Variants in COQ5 observed in about 807,000 individuals in gnomAD.
The protein encoded by COQ5 is coenzyme Q5, methyltransferase.
COQ5 carries 27 observed loss-of-function variants against 40.5 expected under a neutral mutation model. The ratio of observed to expected loss-of-function variants is 0.67; its 90% confidence interval spans 0.49 to 0.92. The LOEUF (loss-of-function observed/expected upper bound fraction) is 0.92. COQ5 is among the 40% of genes least tolerant of loss of function. COQ5 has a pLI of 0.00. For missense variants in COQ5, 409 were observed against 406.4 expected, an observed-to-expected ratio of 1.01 and a Z score of -0.06; for synonymous variants, 141 against 150.0, an observed-to-expected ratio of 0.94 and a Z score of 0.44.
At chr12:120,513,812 G>T (rs1323004391) in intron 3 of COQ5, among the ~76,000 whole-genome samples, 1 of 151,916 alleles carries the variant, frequency 6.6e-6, no homozygotes, top group Non-Finnish European at 1.5e-5. Context: ...AAGCTACTGC[G>T]CCCGACCACA....
At chr12:120,522,759 G>A (rs371651015) in intron 1 of COQ5, 44 of 656,960 alleles carry the variant, frequency 6.7e-5, no homozygotes, top group African/African-American at 5.4e-4. Context: ...GCCTTTGACC[G>A]ACATAGCTTG....
At chr12:120,518,527 TATTCTCCAGTC>T (rs1000399981) in intron 2 of COQ5, among the ~76,000 whole-genome samples, 19 of 151,450 alleles carry the variant, frequency 1.3e-4, no homozygotes, top group Admixed American at 2.6e-4. Context: ...ACCAATTAGG[TATTCTCCAGTC>T]ATTCTCCAGT....
chr12:120,505,333 T>C (rs1868829918), intron 4 of COQ5, among the ~76,000 whole-genome samples: 1 of 152,186 alleles, frequency 6.6e-6, no homozygotes, highest in African/African-American at 2.4e-5. Flanking sequence ...CAGAAATGCT[T>C]CTACTGTGGG....
rs568497434 is a variant in COQ5, at chr12:120,518,163, G to C, written c.353-1375C>G. Among the ~76,000 whole-genome samples the C allele has an allele frequency of 6.6e-5, 10 of 152,084 alleles. No individual in the cohort carries two copies. In the East Asian group the frequency reaches 1.7e-3, roughly 27 times the overall value. The stretch of plus-strand genomic sequence containing the variant: ...GCTGGGCTCGGTGGCTCACGCCTGT[G>C]ATCCCAGCACTTCAGGCTTCAGGAG... On this transcript the variant is annotated intron_variant, in intron 2 of 6. Coordinates refer to ENST00000288532, the MANE Select transcript of COQ5 (RefSeq NM_032314.4).
Position 120,503,355 on chromosome 12 carries a change from G to A in COQ5, c.*429C>T, listed in dbSNP as rs1016981719. 39 of 359,594 alleles carry A rather than the reference G, an allele frequency of 1.1e-4. 1 individual carries two copies. The highest frequency in any genetic ancestry group is 6.3e-4 in the Admixed American group (17 of 26,906). The allele number at this position is 359,594 out of a possible 1,614,324, so 22.3% of individuals were successfully genotyped here. A position where few individuals can be genotyped will look rare whatever the true frequency, so the allele number is the denominator to read the frequency against. ...ATACTCTGACTTGGGCCTAGACTTC[G>A]TCCTAGGCTGAAAGGTTGATTCAGG... On this transcript the variant is annotated 3_prime_UTR_variant, in exon 7 of 7. Transcript: ENST00000288532.
intron 3 of COQ5, among the ~76,000 whole-genome samples, chr12:120,513,597 G>A (rs1160948518): frequency 6.7e-6 from 1 of 149,918 alleles, no homozygotes; most frequent in East Asian, 2.0e-4. Context: ...GTGTAGTGGT[G>A]CGACGTCCAC....
chr12:120,522,331 A>C lies in COQ5; in HGVS notation c.235T>G (p.Tyr79Asp). The stretch of plus-strand genomic sequence containing the variant: ...CTCATCATATCATTCATCACATCAT[A>C]CTTCTTAGCCACACTTTCAAACACC... The part of the protein sequence containing the change: ...YQVFESVAKK[Y>D]DVMNDMMSLG... The change falls in exon 2 of 7, where the codon TAT (tyrosine) becomes GAT (aspartate). Residue 79 changes from tyrosine to aspartate, a missense_variant. Coordinates refer to ENST00000288532, the MANE Select transcript of COQ5 (RefSeq NM_032314.4). The C allele has an allele frequency of 6.2e-7, 1 of 1,613,834 alleles. No homozygotes were observed. The highest frequency in any genetic ancestry group is 8.5e-7 in the Non-Finnish European group (1 of 1,179,764).
At chr12:120,523,845 A>C (rs1447205579) in intron 1 of COQ5, 3 of 336,322 alleles carry the variant, frequency 8.9e-6, no homozygotes, top group Non-Finnish European at 1.2e-5. Flanking sequence ...CCCTGTCTCT[A>C]GTAAAAACAC....
intron 3 of COQ5, among the ~76,000 whole-genome samples, chr12:120,510,587 T>C (rs1309234470): frequency 2.0e-5 from 3 of 152,192 alleles, no homozygotes; most frequent in Non-Finnish European, 4.4e-5. Flanking sequence ...GTGCTGGAAT[T>C]ACAGATGTGA....
chr12:120,514,838 G>A (rs1242889846), intron 3 of COQ5, among the ~76,000 whole-genome samples: 2 of 152,126 alleles, frequency 1.3e-5, no homozygotes, highest in East Asian at 3.9e-4. Context: ...TTGTTGCCTA[G>A]GCTGGAGTGC....
intron 3 of COQ5, among the ~76,000 whole-genome samples, chr12:120,514,367 C>T (rs1278610602): frequency 6.6e-6 from 1 of 151,990 alleles, no homozygotes; most frequent in East Asian, 1.9e-4. Flanking sequence ...ACCTGAGGGA[C>T]GTTCTTTGTT....
chr12:120,519,065 T>G (rs2137088156), intron 2 of COQ5, among the ~76,000 whole-genome samples: 1 of 152,344 alleles, frequency 6.6e-6, no homozygotes, highest in East Asian at 1.9e-4. Flanking sequence ...CTTGCAACCT[T>G]TCCATCATTA....
At chr12:120,503,940 C>G (rs377540860) in intron 6 of COQ5, 30 bp downstream of exon 6, 3 of 1,594,594 alleles carry the variant, frequency 1.9e-6, no homozygotes, top group South Asian at 1.1e-5. Context: ...CACTGTAGGG[C>G]CTTTGTTTAA....
intron 4 of COQ5, 121 bp from the exon 5 acceptor site, chr12:120,505,104 G>T: frequency 1.3e-6 from 1 of 781,880 alleles, no homozygotes. Context: ...CAAACCTCTT[G>T]TTTGTTCTCA....
At chr12:120,528,224 AAATAAAT>A in intron 1 of COQ5, among the ~76,000 whole-genome samples, 1 of 151,416 alleles carries the variant, frequency 6.6e-6, no homozygotes, top group Admixed American at 6.6e-5. Flanking sequence ...ATAAATAAAT[AAATAAAT>A]AAAAACAACC....
chr12:120,512,082 T>C (rs1372575283), intron 3 of COQ5, among the ~76,000 whole-genome samples: 1 of 151,938 alleles, frequency 6.6e-6, no homozygotes, highest in Non-Finnish European at 1.5e-5. Flanking sequence ...TGGTGGTGGG[T>C]GCCTGTAGTT....
chr12:120,504,806 G>A, intron 5 of COQ5, 89 bp downstream of exon 5: 1 of 1,108,804 alleles, frequency 9.0e-7, no homozygotes, highest in Non-Finnish European at 1.4e-6. Context: ...CAAAGTTCAT[G>A]CTTATAGCTT....
At chr12:120,517,516 C>CAA (rs34585711) in intron 2 of COQ5, among the ~76,000 whole-genome samples, 92 of 127,698 alleles carry the variant, frequency 7.2e-4, no homozygotes, top group African/African-American at 1.1e-3. Flanking sequence ...TAAAAAAATA[C>CAA]AAAAAAAAAA....
intron 3 of COQ5, among the ~76,000 whole-genome samples, chr12:120,513,237 C>T (rs1869218884): frequency 6.7e-6 from 1 of 149,796 alleles, no homozygotes; most frequent in Non-Finnish European, 1.5e-5. Context: ...GGTGCAGTGG[C>T]TCACACCTGT....
Sources: allele counts gnomAD v4.1 joint callset (sites outside exome capture counted in the v4.1 genomes callset), GRCh38; gene constraint gnomAD v4.1.1; transcripts MANE v1.5; gene names NCBI Gene and HGNC (gene_info 2026-07-23, HGNC 2026-07-21).